GRIP1: variants seen among roughly 807,000 people sequenced by gnomAD.
GRIP1 encodes glutamate receptor-interacting protein 1.
In GRIP1, 45 loss-of-function variants were observed where a neutral mutation model predicts 129.9. The ratio of observed to expected loss-of-function variants is 0.35; its 90% CI spans 0.27 to 0.44. The LOEUF (loss-of-function observed/expected upper bound fraction) is 0.44, where lower values mean the gene tolerates loss of function less well. GRIP1 is among the 20% of genes least tolerant of loss of function. The pLI is 1.00. For missense variants in GRIP1, 1,196 were observed against 1,396.8 expected (o/e 0.86, Z 2.29); for synonymous variants, 530 against 520.8 (o/e 1.02, Z -0.24).
chr12:67,046,100 T>C (rs2043249533), intron 1 of GRIP1, among the ~76,000 whole-genome samples: 1 of 152,196 alleles, frequency 6.6e-6, no homozygotes, highest in Admixed American at 6.5e-5. Context: ...GCCATTTTAT[T>C]TTCTGATAAA....
At chr12:66,954,840 G>A (rs577122074) in intron 1 of GRIP1, among the ~76,000 whole-genome samples, 76 of 152,170 alleles carry the variant, frequency 5.0e-4, no homozygotes, top group African/African-American at 1.8e-3. Flanking sequence ...GGAGATACGT[G>A]CTATGGGGGA....
intron 1 of GRIP1, among the ~76,000 whole-genome samples, chr12:66,617,216 G>A (rs1055933590): frequency 1.4e-5 from 2 of 144,232 alleles, no homozygotes; most frequent in Non-Finnish European, 3.0e-5. Flanking sequence ...GGGACCAAGA[G>A]ACAACTTTGC....
chr12:67,047,652 T>C (rs1230309032), intron 1 of GRIP1, among the ~76,000 whole-genome samples: 12 of 152,236 alleles, frequency 7.9e-5, no homozygotes, highest in Admixed American at 7.9e-4. Flanking sequence ...AATTGATTAC[T>C]GATTGCCATT....
intron 1 of GRIP1, among the ~76,000 whole-genome samples, chr12:66,950,646 T>C (rs1388345126): frequency 1.3e-5 from 2 of 152,092 alleles, no homozygotes; most frequent in African/African-American, 4.8e-5. Context: ...ATGGAAAATA[T>C]TAAATTCCTA....
At chr12:66,501,046 G>A (rs2060378350) in intron 7 of GRIP1, among the ~76,000 whole-genome samples, 1 of 152,176 alleles carries the variant, frequency 6.6e-6, no homozygotes, top group South Asian at 2.1e-4. Flanking sequence ...TGTGAAACCT[G>A]TGTCACACAG....
At chr12:66,704,287 TAGA>T (rs2035453142) in intron 1 of GRIP1, among the ~76,000 whole-genome samples, 1 of 151,834 alleles carries the variant, frequency 6.6e-6, no homozygotes, top group Non-Finnish European at 1.5e-5. Flanking sequence ...ATTAAAGCAA[TAGA>T]AGAAATTATT....
chr12:66,590,756 G>C (rs1451819185), intron 2 of GRIP1, among the ~76,000 whole-genome samples: 3 of 152,190 alleles, frequency 2.0e-5, no homozygotes, highest in Non-Finnish European at 1.5e-5. Context: ...AAAGTCTCTA[G>C]CTTCTGGCTG....
chr12:67,041,000 C>T (rs1189129893), intron 1 of GRIP1, among the ~76,000 whole-genome samples: 1 of 152,050 alleles, frequency 6.6e-6, no homozygotes, highest in Non-Finnish European at 1.5e-5. Flanking sequence ...CTGACCTCCC[C>T]CAAAAGCAAG....
chr12:66,505,679 T>C (rs182446580), intron 7 of GRIP1, among the ~76,000 whole-genome samples: 1 of 152,366 alleles, frequency 6.6e-6, no homozygotes, highest in East Asian at 1.9e-4. Context: ...CAAGCTTCTG[T>C]GTTTAATTCT....
intron 1 of GRIP1, among the ~76,000 whole-genome samples, chr12:67,011,294 G>T (rs760369294): frequency 3.9e-5 from 6 of 152,120 alleles, no homozygotes; most frequent in Non-Finnish European, 8.8e-5. Flanking sequence ...ACACATGGAA[G>T]CAACCAGTCC....
chr12:66,743,900 T>C (rs757198296), intron 1 of GRIP1, among the ~76,000 whole-genome samples: 1 of 152,202 alleles, frequency 6.6e-6, no homozygotes, highest in Non-Finnish European at 1.5e-5. Flanking sequence ...CAATTTTCAT[T>C]GACAGTAGCT....
chr12:66,536,834 G>A (rs770849605), intron 4 of GRIP1, among the ~76,000 whole-genome samples: 1 of 152,176 alleles, frequency 6.6e-6, no homozygotes. Context: ...TGCTCAATAA[G>A]TCATTGCTGA....
chr12:66,797,086 G>T (rs2038720174), intron 1 of GRIP1, among the ~76,000 whole-genome samples: 1 of 152,072 alleles, frequency 6.6e-6, no homozygotes, highest in South Asian at 2.1e-4. Context: ...GTGAGATAGT[G>T]GGGTAGAATT....
intron 1 of GRIP1, among the ~76,000 whole-genome samples, chr12:66,865,854 T>G (rs1433553053): frequency 6.6e-6 from 1 of 152,194 alleles, no homozygotes; most frequent in Non-Finnish European, 1.5e-5. Flanking sequence ...CTACTTCTGC[T>G]TATTTTCCAA....
Position 66,371,948 on chromosome 12 carries a change from A to G in GRIP1, c.2779-21T>C, listed in dbSNP as rs202184703. ...GTTGCCTGTGGCATTGACAATTTTT[A>G]GAAACAATTAAGCCATGGACTAAGG... is the stretch of plus-strand genomic sequence containing the variant. On this transcript the variant is annotated intron_variant, in intron 22 of 24. Coordinates refer to ENST00000359742, the MANE Select transcript of GRIP1 (RefSeq NM_001366722.1). The G allele has an allele frequency of 9.8e-5, 144 of 1,474,456 alleles. No individual in the cohort carries two copies. The African/African-American group carries it at 1.5e-3, about 15-fold the overall frequency. 91.3% of individuals were successfully genotyped at this position (1,474,456 alleles called of 1,614,324 possible).
Position 66,371,759 on chromosome 12 carries a change from T to G in GRIP1, c.2947A>C (p.Thr983Pro), listed in dbSNP as rs750513636. Residue 983 changes from threonine (T) to proline (P), a missense_variant, in exon 23 of 25, where the codon ACC becomes CCC. Around this residue, in one of 5 missense-constraint regions of GRIP1, gnomAD observed 427 missense variants for 463.3 expected, o/e 0.92. Transcript: ENST00000359742. ...ATTTCTTGTTTCATTTTTCTCAGGG[T>G]TACTGACTTCCTACCCACATCTGAA... is the stretch of plus-strand genomic sequence containing the variant. ...LPSDVGRKSVTLRKMKQEIKE... is the reference protein window; with the variant it reads ...LPSDVGRKSVPLRKMKQEIKE... 1.2e-6 allele frequency: 2 copies of G among 1,614,112 alleles called. No individual in the cohort carries two copies. The highest frequency in any genetic ancestry group is 3.3e-5 in the Admixed American group (2 of 60,024).
chr12:67,033,114 G>A (rs966361903), intron 1 of GRIP1, among the ~76,000 whole-genome samples: 2 of 151,858 alleles, frequency 1.3e-5, no homozygotes, highest in Non-Finnish European at 2.9e-5. Context: ...TTCCTAGGCT[G>A]AGAACTCACT....
At chr12:66,432,469 T>G (rs1317988174) in intron 14 of GRIP1, 79 bp downstream of exon 14, 1 of 847,322 alleles carries the variant, frequency 1.2e-6, no homozygotes, top group Non-Finnish European at 1.9e-6. Context: ...ATAAAACATT[T>G]GTTACACCTG....
intron 1 of GRIP1, among the ~76,000 whole-genome samples, chr12:66,891,655 A>G (rs1188972041): frequency 6.6e-6 from 1 of 152,182 alleles, no homozygotes; most frequent in African/African-American, 2.4e-5. Flanking sequence ...CTCCTTAAAG[A>G]CGACAAGGAT....
Sources: gnomAD v4.1 joint callset for allele counts (sites outside exome capture counted in the v4.1 genomes callset) on GRCh38, gnomAD v4.1.1 for gene constraint, gnomAD v4.1.1 regional missense constraint, MANE v1.5 for transcripts, NCBI Gene and HGNC (gene_info 2026-07-23, HGNC 2026-07-21) for gene names.